Variants in ZC4H2 observed in about 807,000 individuals in gnomAD.
The protein encoded by ZC4H2 is zinc finger C4H2 domain-containing protein.
For synonymous variants in ZC4H2, 84 were observed against 66.3 expected, an observed-to-expected ratio of 1.27 and a Z score of -1.30; for missense variants, 137 against 173.9, an observed-to-expected ratio of 0.79 and a Z score of 1.19.
intron 2 of ZC4H2, 58 bp from the exon 3 acceptor site, chrX:64,920,311 C>G: frequency 8.9e-7 from 1 of 1,129,408 alleles, no homozygotes. Context: ...CAGAGAGGAT[C>G]TATAGCTGAG....
chrX:64,953,802 G>C (rs1223816261), intron 1 of ZC4H2, among the ~76,000 whole-genome samples: 2 of 111,368 alleles, frequency 1.8e-5, no homozygotes, highest in African/African-American at 6.5e-5. Context: ...ACTTGACCCA[G>C]CCATCCCCTT....
chrX:65,008,090 G>A (rs910630374), intron 1 of ZC4H2, among the ~76,000 whole-genome samples: 26 of 111,336 alleles, frequency 2.3e-4, no homozygotes, highest in Non-Finnish European at 3.6e-4. Context: ...ACCAGAATAC[G>A]TAAGGAGTTC....
intron 1 of ZC4H2, among the ~76,000 whole-genome samples, chrX:64,999,850 C>T (rs373093698): frequency 1.8e-5 from 2 of 112,128 alleles, no homozygotes; most frequent in Non-Finnish European, 3.8e-5. Context: ...CAGAGCCCAC[C>T]GCAGCTTGAC....
intron 1 of ZC4H2, among the ~76,000 whole-genome samples, chrX:64,928,376 G>C (rs747450437): frequency 1.7e-4 from 19 of 111,885 alleles, no homozygotes; most frequent in Non-Finnish European, 3.0e-4. Flanking sequence ...TTATTAAATA[G>C]GGAATCCTTT....
intron 1 of ZC4H2, among the ~76,000 whole-genome samples, chrX:64,971,925 T>C (rs1017858293): frequency 7.2e-5 from 8 of 111,673 alleles, no homozygotes; most frequent in African/African-American, 2.3e-4. Flanking sequence ...GCAATACACA[T>C]GAATGGATGG....
chrX:65,001,242 C>T (rs747037672), intron 1 of ZC4H2, among the ~76,000 whole-genome samples: 1 of 112,055 alleles, frequency 8.9e-6, no homozygotes, highest in South Asian at 3.7e-4. Context: ...GATCTCTCTG[C>T]AGGAACCCTA....
intron 1 of ZC4H2, among the ~76,000 whole-genome samples, chrX:64,934,901 C>T (rs111533996): frequency 0.084 from 9,347 of 110,841 alleles, 1,022 homozygotes; most frequent in African/African-American, 0.29. Flanking sequence ...CAAAACTGGG[C>T]GGCCCTTTGG....
intron 1 of ZC4H2, among the ~76,000 whole-genome samples, chrX:65,000,022 G>C (rs1436533170): frequency 8.9e-6 from 1 of 112,372 alleles, no homozygotes; most frequent in African/African-American, 3.2e-5. Context: ...AGCTTCAGCA[G>C]ATTTAAACGT....
In ZC4H2 at chrX:64,920,056, T is replaced by C. The variant is rs774492356; in HGVS notation, c.398+25A>G. On this transcript the variant is annotated intron_variant, in intron 3 of 4. Transcript: ENST00000374839. The stretch of plus-strand genomic sequence containing the variant: ...TGTGGGTCGGAGGGAGGGTATGTTG[T>C]AGGGACTGGGGGCAGGTAGCTTACT... 18 of 1,200,695 alleles carry C rather than the reference T, an allele frequency of 1.5e-5. No individual in the cohort carries two copies. The African/African-American group carries it at 2.5e-4, about 16-fold the overall frequency.
intron 1 of ZC4H2, among the ~76,000 whole-genome samples, chrX:64,952,854 T>A (rs1207267282): frequency 2.7e-5 from 3 of 110,958 alleles, no homozygotes; most frequent in Admixed American, 9.6e-5. Context: ...AAAAGAGCCC[T>A]CATTGCCAAG....
At chrX:64,951,180 C>A (rs899134186) in intron 1 of ZC4H2, among the ~76,000 whole-genome samples, 1 of 112,305 alleles carries the variant, frequency 8.9e-6, no homozygotes, top group African/African-American at 3.2e-5. Flanking sequence ...TATATATGTG[C>A]CACATTTTCT....
rs148257190 is a variant in ZC4H2, at chrX:64,992,561, G to T, written c.-272+42068C>A. Among the ~76,000 whole-genome samples, 839 of 111,377 alleles carry T rather than the reference G, an allele frequency of 7.5e-3. 3 individuals carry two copies. Among genetic ancestry groups the T allele is most frequent in the Middle Eastern group, 0.037 (8 of 216 alleles). On this transcript the variant is annotated intron_variant, in intron 1 of 4. Coordinates refer to the ZC4H2 transcript ENST00000337990. ...GCTTCCTTTATCCCAAGCATACCAA[G>T]AATTTAGTTATCCCAGGGACCAAAA...
At chrX:65,006,852 G>GA (rs1426532916) in intron 1 of ZC4H2, among the ~76,000 whole-genome samples, 6 of 112,183 alleles carry the variant, frequency 5.3e-5, no homozygotes, top group Non-Finnish European at 9.4e-5. Context: ...GACACTTTGT[G>GA]AAAAATTAGT....
chrX:64,940,927 C>A (rs1321715674), intron 1 of ZC4H2, among the ~76,000 whole-genome samples: 1 of 111,826 alleles, frequency 8.9e-6, no homozygotes, highest in Non-Finnish European at 1.9e-5. Context: ...TTTCCTAATT[C>A]TGTGAATAAA....
At chrX:64,996,608 G>T (rs1932418666) in intron 1 of ZC4H2, among the ~76,000 whole-genome samples, 1 of 111,762 alleles carries the variant, frequency 8.9e-6, no homozygotes, top group Non-Finnish European at 1.9e-5. Context: ...AACAATGTAT[G>T]AACAAAATTA....
At chrX:64,971,244 C>G (rs1188487635) in intron 1 of ZC4H2, among the ~76,000 whole-genome samples, 1 of 111,914 alleles carries the variant, frequency 8.9e-6, no homozygotes, top group Middle Eastern at 4.7e-3. Context: ...AACAACCATG[C>G]TTTAGGAAGG....
chrX:64,958,796 CTG>C (rs1931266187), intron 1 of ZC4H2, among the ~76,000 whole-genome samples: 1 of 111,477 alleles, frequency 9.0e-6, no homozygotes, highest in Non-Finnish European at 1.9e-5. Context: ...GCTCTTGTAT[CTG>C]TGTTTGCATT....
At chrX:64,964,120 T>C (rs777467856) in intron 1 of ZC4H2, among the ~76,000 whole-genome samples, 2 of 111,204 alleles carry the variant, frequency 1.8e-5, no homozygotes, top group African/African-American at 6.5e-5. Context: ...CAGTACAACA[T>C]TATGCTTCTA....
At chrX:64,972,495 G>A (rs902087879) in intron 1 of ZC4H2, among the ~76,000 whole-genome samples, 1 of 112,044 alleles carries the variant, frequency 8.9e-6, no homozygotes, top group African/African-American at 3.2e-5. Context: ...TTATACTTCA[G>A]GAGATTTAGG....
Sources: allele counts gnomAD v4.1 joint callset (sites outside exome capture counted in the v4.1 genomes callset), GRCh38; gene constraint gnomAD v4.1.1; transcripts MANE v1.5; gene names NCBI Gene and HGNC (gene_info 2026-07-23, HGNC 2026-07-21).